EIF3J: variants seen among roughly 807,000 people sequenced by gnomAD.
EIF3J encodes eukaryotic translation initiation factor 3, subunit 1 (alpha, 35kD).
A neutral mutation model predicts 39.0 loss-of-function variants in EIF3J; 15 were observed. That is an observed-to-expected ratio of 0.38 (90% CI 0.26 to 0.59). The LOEUF (loss-of-function observed/expected upper bound fraction) is 0.59, where lower values mean the gene tolerates loss of function less well. Ranked by LOEUF, EIF3J falls within the 20% of genes least tolerant of loss-of-function variation. The pLI is 0.60. For missense variants in EIF3J, 226 were observed against 308.6 expected, an observed-to-expected ratio of 0.73 and a Z score of 2.00; for synonymous variants, 98 against 112.9, an observed-to-expected ratio of 0.87 and a Z score of 0.84.
At chr15:44,540,566 C>T (rs2082006636) in intron 2 of EIF3J, among the ~76,000 whole-genome samples, 1 of 151,642 alleles carries the variant, frequency 6.6e-6, no homozygotes, top group African/African-American at 2.4e-5. Flanking sequence ...AGCCACTGCA[C>T]CTGGCCTATT....
chr15:44,541,061 CTA>C (rs2082010875), intron 2 of EIF3J, among the ~76,000 whole-genome samples: 1 of 152,184 alleles, frequency 6.6e-6, no homozygotes, highest in Non-Finnish European at 1.5e-5. Context: ...CAAGAAAAGA[CTA>C]TGCTTTTCCC....
At chr15:44,558,128 G>A (rs2082160076) in intron 6 of EIF3J, 1 of 152,418 alleles carries the variant, frequency 6.6e-6, no homozygotes, top group Non-Finnish European at 1.5e-5. Context: ...ACCTTGATAG[G>A]AGTCATACAT....
At chr15:44,552,671 C>T (rs2082110079) in intron 4 of EIF3J, among the ~76,000 whole-genome samples, 1 of 152,002 alleles carries the variant, frequency 6.6e-6, no homozygotes, top group Admixed American at 6.6e-5. Flanking sequence ...AAGTGATTCT[C>T]CTGCCTCAGT....
intron 2 of EIF3J, among the ~76,000 whole-genome samples, chr15:44,548,045 A>C (rs2082068851): frequency 6.6e-6 from 1 of 152,200 alleles, no homozygotes; most frequent in Admixed American, 6.6e-5. Flanking sequence ...AACATGCAAG[A>C]AAGGCCAAGA....
chr15:44,549,431 G>C (rs952669062), intron 2 of EIF3J, among the ~76,000 whole-genome samples: 1 of 151,732 alleles, frequency 6.6e-6, no homozygotes, highest in African/African-American at 2.4e-5. Context: ...AAAAAAACAA[G>C]AAAAGACTTT....
chr15:44,537,272 G>A (rs372820029), intron 1 of EIF3J, 35 bp downstream of exon 1: 17 of 1,569,446 alleles, frequency 1.1e-5, no homozygotes, highest in Middle Eastern at 1.7e-4. Flanking sequence ...GCCCGGGCCG[G>A]CGCCGGCCCC....
chr15:44,558,610 T>G (rs2082164666), intron 6 of EIF3J: 1 of 152,092 alleles, frequency 6.6e-6, no homozygotes, highest in African/African-American at 2.4e-5. Context: ...GGCTAATTTT[T>G]TGTATTTTTA....
At chr15:44,543,417 CT>C (rs759322625) in intron 2 of EIF3J, among the ~76,000 whole-genome samples, 11,194 of 135,278 alleles carry the variant, frequency 0.083, 545 homozygotes, top group East Asian at 0.18. Flanking sequence ...ATAGGAACCA[CT>C]TTTTTTTTTT....
intron 5 of EIF3J, among the ~76,000 whole-genome samples, chr15:44,557,265 G>A (rs1295448730): frequency 6.6e-6 from 1 of 152,156 alleles, no homozygotes; most frequent in East Asian, 1.9e-4. Context: ...AGGAAATGCT[G>A]AATTAGAGGT....
chr15:44,557,494 A>G lies in EIF3J; in HGVS notation c.415A>G (p.Asn139Asp). Residue 139 changes from asparagine to aspartate, a missense_variant, in exon 6 of 8, where the codon AAT becomes GAT. Physicochemically the swap from Asn to Asp is conservative, Grantham distance 23. This residue lies in a region of EIF3J where 83 missense variants were observed against 152.6 expected (regional missense o/e 0.54). Transcript: ENST00000261868. ...LELAKETFGV[N>D]NAVYGIDAMN... Reference sequence around the variant, plus strand: ...GTGCTTCTTTTCTCCTACAGGTGTTAATAATGCAGTTTATGGAATAGATGC... The same window carrying G: ...GTGCTTCTTTTCTCCTACAGGTGTTGATAATGCAGTTTATGGAATAGATGC... The G allele has an allele frequency of 6.6e-7, 1 of 1,518,700 alleles. No individual in the cohort carries two copies. Among genetic ancestry groups the G allele is most frequent in the Non-Finnish European group, 8.8e-7 (1 of 1,139,654 alleles). 94.1% of individuals were successfully genotyped at this position (1,518,700 alleles called of 1,614,324 possible). A position where few individuals can be genotyped will look rare whatever the true frequency, so the allele number is the denominator to read the frequency against.
intron 5 of EIF3J, among the ~76,000 whole-genome samples, chr15:44,555,912 A>C (rs1308194751): frequency 6.6e-6 from 1 of 151,950 alleles, no homozygotes; most frequent in Non-Finnish European, 1.5e-5. Context: ...AGGCTAGAGG[A>C]CAGTGGCTGA....
Position 44,559,236 on chromosome 15 carries a change from T to TAA in EIF3J, c.572-996_572-995dup, listed in dbSNP as rs34429624. On this transcript the variant is annotated intron_variant, in intron 6 of 7. Coordinates refer to ENST00000261868, the MANE Select transcript of EIF3J (RefSeq NM_003758.4). ...CAACATGGTAAAACCTCATCTCTAT[T>TAA]AAAAAAAAAAAAAAAAAACACAAAA... 978 of 123,774 alleles carry TAA rather than the reference T, an allele frequency of 7.9e-3. 10 individuals are homozygous for TAA. The highest frequency in any genetic ancestry group is 0.034 in the Admixed American group (402 of 11,798). 7.7% of individuals were successfully genotyped at this position (123,774 alleles called of 1,614,324 possible).
chr15:44,559,726 AGTAATT>A (rs1220220836), intron 6 of EIF3J, among the ~76,000 whole-genome samples: 3 of 151,408 alleles, frequency 2.0e-5, no homozygotes, highest in African/African-American at 7.3e-5. Flanking sequence ...AAAAAATAAT[AGTAATT>A]GTCATTTCAT....
intron 6 of EIF3J, among the ~76,000 whole-genome samples, chr15:44,558,528 CA>C (rs936588233): frequency 1.1e-3 from 149 of 136,502 alleles, no homozygotes; most frequent in Admixed American, 8.8e-4. Flanking sequence ...GACTCCGTCT[CA>C]AAAAAAAAAA....
chr15:44,544,703 T>TAAAA (rs34101594), intron 2 of EIF3J, among the ~76,000 whole-genome samples: 19 of 85,440 alleles, frequency 2.2e-4, no homozygotes, highest in Non-Finnish European at 3.6e-4. Flanking sequence ...AAACTCCATT[T>TAAAA]AAAAAAAAAA....
intron 2 of EIF3J, among the ~76,000 whole-genome samples, chr15:44,549,764 CAAAAAAAA>C (rs774290941): frequency 0.042 from 479 of 11,444 alleles, 1 homozygote; most frequent in African/African-American, 0.1. Flanking sequence ...GACTCCGTCT[CAAAAAAAA>C]AAAAAAAAAA....
intron 3 of EIF3J, 28 bp downstream of exon 3, chr15:44,550,958 GTTT>G: frequency 6.3e-7 from 1 of 1,596,026 alleles, no homozygotes; most frequent in Non-Finnish European, 8.5e-7. Context: ...CTCCATTTTT[GTTT>G]TTATGTCTTG....
intron 4 of EIF3J, among the ~76,000 whole-genome samples, chr15:44,553,230 C>T (rs753803568): frequency 1.3e-5 from 2 of 151,556 alleles, no homozygotes. Context: ...TGGTGGCTCA[C>T]GCCTGTAATC....
intron 6 of EIF3J, among the ~76,000 whole-genome samples, chr15:44,559,763 T>C (rs184999251): frequency 1.3e-5 from 2 of 152,108 alleles, no homozygotes; most frequent in East Asian, 1.9e-4. Flanking sequence ...CTGTTCTCCC[T>C]GATTACTGGG....
Sources: gnomAD v4.1 joint callset for allele counts (sites outside exome capture counted in the v4.1 genomes callset) on GRCh38, gnomAD v4.1.1 for gene constraint, gnomAD v4.1.1 regional missense constraint, MANE v1.5 for transcripts, NCBI Gene and HGNC (gene_info 2026-07-23, HGNC 2026-07-21) for gene names.